FHIT: variants seen among roughly 807,000 people sequenced by gnomAD.
FHIT encodes the protein bis(5'-adenosyl)-triphosphatase.
Under a neutral mutation model 17.9 loss-of-function variants are expected in FHIT, and 19 were observed. The ratio of observed to expected loss-of-function variants is 1.06; its 90% CI spans 0.74 to 1.56. FHIT has a LOEUF of 1.56. FHIT is among the 40% of genes most tolerant of loss of function. The pLI, the probability that FHIT is intolerant of heterozygous loss-of-function variation, is 0.00. For synonymous variants in FHIT, 81 were observed against 69.7 expected (o/e 1.16, Z -0.81); for missense variants, 248 against 189.2 (o/e 1.31, Z -1.82).
At chr3:59,964,809 T>G (rs560238964) in intron 7 of FHIT, among the ~76,000 whole-genome samples, 1 of 152,184 alleles carries the variant, frequency 6.6e-6, no homozygotes, top group Admixed American at 6.5e-5. Context: ...TGTGTTATTA[T>G]TTTTAAAAGC....
chr3:60,754,229 G>C (rs2108038374), intron 4 of FHIT, among the ~76,000 whole-genome samples: 1 of 152,272 alleles, frequency 6.6e-6, no homozygotes, highest in South Asian at 2.1e-4. Flanking sequence ...CTGCCTGTTA[G>C]TGAAAGGCCA....
At chr3:59,858,372 G>A (rs1028979470) in intron 8 of FHIT, among the ~76,000 whole-genome samples, 40 of 149,534 alleles carry the variant, frequency 2.7e-4, no homozygotes, top group African/African-American at 9.1e-4. Flanking sequence ...GATTACAGGC[G>A]CCCGCCACTA....
intron 7 of FHIT, among the ~76,000 whole-genome samples, chr3:60,006,017 C>T (rs986103133): frequency 3.3e-5 from 5 of 152,022 alleles, no homozygotes; most frequent in Admixed American, 1.3e-4. Flanking sequence ...GGACAGAGTC[C>T]TAGGCCCCAC....
chr3:60,217,825 T>C (rs1703768597), intron 5 of FHIT, among the ~76,000 whole-genome samples: 1 of 152,220 alleles, frequency 6.6e-6, no homozygotes, highest in Non-Finnish European at 1.5e-5. Flanking sequence ...TATATGTCAC[T>C]TCCTCAAGGA....
intron 5 of FHIT, among the ~76,000 whole-genome samples, chr3:60,130,124 G>A (rs1458531494): frequency 6.6e-6 from 1 of 152,136 alleles, no homozygotes; most frequent in Non-Finnish European, 1.5e-5. Context: ...GGAAAAAAGT[G>A]AAAAGGAACC....
At chr3:59,912,577 A>G (rs1008899821) in intron 8 of FHIT, among the ~76,000 whole-genome samples, 3 of 152,230 alleles carry the variant, frequency 2.0e-5, no homozygotes, top group Non-Finnish European at 4.4e-5. Context: ...ATCAACTGAT[A>G]GGGCCAAGAT....
chr3:60,806,696 A>C (rs1380374543), intron 4 of FHIT, among the ~76,000 whole-genome samples: 1 of 152,182 alleles, frequency 6.6e-6, no homozygotes, highest in Non-Finnish European at 1.5e-5. Context: ...CCTTTTAACT[A>C]CTTAAGGTTA....
chr3:60,918,656 G>A (rs1314813057), intron 3 of FHIT, among the ~76,000 whole-genome samples: 1 of 152,114 alleles, frequency 6.6e-6, no homozygotes. Context: ...TGGGGTGAGA[G>A]CACAGCAGGG....
At chr3:59,783,381 A>G (rs1044280493) in intron 8 of FHIT, among the ~76,000 whole-genome samples, 4 of 152,146 alleles carry the variant, frequency 2.6e-5, no homozygotes, top group Non-Finnish European at 5.9e-5. Context: ...AGGCAGGAGA[A>G]TCGCTTGAAC....
chr3:60,190,777 T>TA (rs576819809), intron 5 of FHIT, among the ~76,000 whole-genome samples: 68 of 151,824 alleles, frequency 4.5e-4, no homozygotes, highest in Middle Eastern at 3.4e-3. Context: ...TAATAAAATT[T>TA]AAAAAAAATA....
At chr3:60,150,787 C>T (rs565964402) in intron 5 of FHIT, among the ~76,000 whole-genome samples, 11 of 152,126 alleles carry the variant, frequency 7.2e-5, no homozygotes, top group South Asian at 4.2e-4. Context: ...AGCATGGTGG[C>T]GCATGCCTGT....
chr3:60,189,745 C>G (rs1032199073), intron 5 of FHIT, among the ~76,000 whole-genome samples: 2 of 152,148 alleles, frequency 1.3e-5, no homozygotes, highest in Non-Finnish European at 2.9e-5. Context: ...CATTTACCCA[C>G]GTTTTTTCAT....
chr3:60,376,944 T>C lies in FHIT; in HGVS notation c.103+159916A>G, dbSNP rs573384602. Reference sequence around the variant, plus strand: ...ATAATTCAGTGGGAAATACAGTTAGTTTGTCATTGTTTGGCTGATTTGTTC... The same window carrying C: ...ATAATTCAGTGGGAAATACAGTTAGCTTGTCATTGTTTGGCTGATTTGTTC... On this transcript the variant is annotated intron_variant, in intron 5 of 9. Transcript: ENST00000492590. Among the ~76,000 whole-genome samples, 28 of 152,294 alleles carry C rather than the reference T, an allele frequency of 1.8e-4. 2 individuals are homozygous for C. The South Asian group carries it at 5.8e-3, about 32-fold the overall frequency.
chr3:60,235,235 T>TTTG lies in FHIT; in HGVS notation c.104-221084_104-221083insCAA, dbSNP rs1480808763. 3.9e-5 allele frequency among the ~76,000 whole-genome samples: 5 copies of TTTG among 127,884 alleles called. 2 individuals carry two copies. Among genetic ancestry groups the TTTG allele is most frequent in the Admixed American group, 1.6e-4 (2 of 12,666 alleles). 83.9% of individuals were successfully genotyped at this position (127,884 alleles called of 152,430 possible). ...TAAATATCTATGCTTTTGTTTGTTG[T>TTTG]TTTTTTTTTTTTTGAGACAGAGTCT... On this transcript the variant is annotated intron_variant, in intron 5 of 9. Coordinates refer to ENST00000492590, the MANE Select transcript of FHIT (RefSeq NM_002012.4).
chr3:60,443,258 C>G (rs1414197574), intron 5 of FHIT, among the ~76,000 whole-genome samples: 2 of 152,100 alleles, frequency 1.3e-5, no homozygotes, highest in African/African-American at 2.4e-5. Flanking sequence ...AACTGAATAC[C>G]CTTTACTTCT....
chr3:60,861,605 G>C (rs571627740), intron 3 of FHIT, among the ~76,000 whole-genome samples: 5 of 151,940 alleles, frequency 3.3e-5, no homozygotes, highest in African/African-American at 1.2e-4. Flanking sequence ...ATCATCATAG[G>C]ATATTGATAG....
At chr3:60,140,958 T>C (rs1407366414) in intron 5 of FHIT, among the ~76,000 whole-genome samples, 1 of 152,184 alleles carries the variant, frequency 6.6e-6, no homozygotes, top group East Asian at 1.9e-4. Flanking sequence ...AATTTCTTTT[T>C]CTTTTTCTTA....
At chr3:60,865,488 GTTTAT>G (rs1704114962) in intron 3 of FHIT, among the ~76,000 whole-genome samples, 1 of 152,046 alleles carries the variant, frequency 6.6e-6, no homozygotes, top group Non-Finnish European at 1.5e-5. Context: ...ATAAAATTCA[GTTTAT>G]TTTAAGATTA....
At chr3:60,714,354 T>C (rs1423899118) in intron 4 of FHIT, among the ~76,000 whole-genome samples, 14 of 152,044 alleles carry the variant, frequency 9.2e-5, no homozygotes, top group African/African-American at 2.9e-4. Flanking sequence ...ACCGGAAGCA[T>C]TCCCTTTGAA....
Sources: allele counts gnomAD v4.1 joint callset (sites outside exome capture counted in the v4.1 genomes callset), GRCh38; gene constraint gnomAD v4.1.1; transcripts MANE v1.5; gene names NCBI Gene and HGNC (gene_info 2026-07-23, HGNC 2026-07-21).